RADIL: variants seen among roughly 807,000 people sequenced by gnomAD.
The protein encoded by RADIL is Rap associating with DIL domain.
RADIL carries 99 observed loss-of-function variants against 97.6 expected under a neutral mutation model. The observed-to-expected ratio is 1.01, with a 90% confidence interval of 0.86 to 1.20. RADIL has a LOEUF of 1.20. RADIL is among the 50% of genes most tolerant of loss of function. RADIL has a pLI of 0.00. For missense variants in RADIL, 1,765 were observed against 1,498.9 expected, an observed-to-expected ratio of 1.18 and a Z score of -2.93; for synonymous variants, 803 against 691.8, an observed-to-expected ratio of 1.16 and a Z score of -2.52.
At chr7:4,841,625 A>G (rs1783441786) in intron 2 of RADIL, among the ~76,000 whole-genome samples, 1 of 152,232 alleles carries the variant, frequency 6.6e-6, no homozygotes, top group South Asian at 2.1e-4. Context: ...AACCCAGCCC[A>G]GGAATAAGGC....
intron 9 of RADIL, chr7:4,809,405 T>C: frequency 1.0e-6 from 1 of 985,440 alleles, no homozygotes; most frequent in Non-Finnish European, 1.2e-6. Context: ...TGAGTGTCGC[T>C]GCTGCCTCCT....
At position 4,822,231 on chromosome 7, in the gene RADIL, G is replaced by A. The variant is rs1005549575; in HGVS notation, c.1615+163C>T. 3.3e-5 allele frequency among the ~76,000 whole-genome samples: 5 copies of A among 152,194 alleles called. No individual in the cohort carries two copies. Among genetic ancestry groups the A allele is most frequent in the Non-Finnish European group, 7.3e-5 (5 of 68,030 alleles). ...GCCACCAGCACCAGCCTCACAGGCCGTCCCCGAGCAACTGACACATGGCAG... is the reference window on the plus strand; with the variant it reads ...GCCACCAGCACCAGCCTCACAGGCCATCCCCGAGCAACTGACACATGGCAG... On this transcript the variant is annotated intron_variant, in intron 6 of 14. Transcript: ENST00000399583. The surrounding 1 kb of genome is among the most constrained non-coding windows in gnomAD (Gnocchi z 5.3).
Position 4,822,684 on chromosome 7 carries a change from C to G in RADIL, c.1455-130G>C. 9.2e-7 allele frequency: 1 copy of G among 1,087,490 alleles called. No individual in the cohort carries two copies. Among genetic ancestry groups the G allele is most frequent in the African/African-American group, 1.6e-5 (1 of 63,120 alleles). The allele number at this position is 1,087,490 out of a possible 1,614,324, so 67.4% of individuals were successfully genotyped here. A position where few individuals can be genotyped will look rare whatever the true frequency, so the allele number is the denominator to read the frequency against. On this transcript the variant is annotated intron_variant, in intron 5 of 14. Coordinates refer to ENST00000399583, the MANE Select transcript of RADIL (RefSeq NM_018059.5). This position sits in a 1 kb window ranked among gnomAD's most constrained non-coding sequence, Gnocchi z 5.3. ...AACAACTGCAACCATCAACCTGACA[C>G]TGCTGGGCGGGGACGTTTAACAATA... is the stretch of plus-strand genomic sequence containing the variant.
At chr7:4,825,575 AAGAG>A (rs551496650) in intron 5 of RADIL, among the ~76,000 whole-genome samples, 1 of 152,120 alleles carries the variant, frequency 6.6e-6, no homozygotes, top group Non-Finnish European at 1.5e-5. Flanking sequence ...GAAAAAAGGA[AAGAG>A]AGAGAGAAAG....
rs1275940985 is a variant in RADIL at position 4,883,572 on chromosome 7, A to T, written c.-65+24T>A. 6.6e-6 allele frequency: 1 copy of T among 151,648 alleles called. No individual in the cohort carries two copies. The highest frequency in any genetic ancestry group is 1.5e-5 in the Non-Finnish European group (1 of 68,108). The allele number at this position is 151,648 out of a possible 1,614,324, so 9.4% of individuals were successfully genotyped here. On this transcript the variant is annotated intron_variant, in intron 1 of 14. Transcript: ENST00000399583. This position sits in a 1 kb window ranked among gnomAD's most constrained non-coding sequence, Gnocchi z 7.1. ...ACGAGCCACCCCCGGTTCCGCAGTC[A>T]CTCCTCGCGCACCCCACACTCACCT...
At position 4,800,179 on chromosome 7, in the gene RADIL, C is replaced by T. The variant is rs78680621; in HGVS notation, c.2974G>A (p.Asp992Asn). ...GPSGLGMGLI[D>N]GMHTHLGAPG... ...GGTCCTGGGCCACTCACCATCCCGT[C>T]GATCAGGCCCATCCCCAGCCCGGAG... The change falls in exon 13 of 15, where the codon GAC becomes AAC. Residue 992 changes from aspartate to asparagine, a missense_variant. Physicochemically the swap from Asp to Asn is conservative, Grantham distance 23. Coordinates refer to ENST00000399583, the MANE Select transcript of RADIL (RefSeq NM_018059.5). The T allele has an allele frequency of 4.4e-6, 7 of 1,608,266 alleles. No individual in the cohort carries two copies. The highest frequency in any genetic ancestry group is 2.2e-5 in the East Asian group (1 of 44,734).
At chr7:4,875,581 C>T (rs1488518549) in intron 2 of RADIL, among the ~76,000 whole-genome samples, 1 of 152,184 alleles carries the variant, frequency 6.6e-6, no homozygotes, top group Non-Finnish European at 1.5e-5. Context: ...TCCCCAGCCA[C>T]ACAGCAGCAA....
At chr7:4,810,640 C>G (rs117667485) in intron 9 of RADIL, among the ~76,000 whole-genome samples, 1 of 152,240 alleles carries the variant, frequency 6.6e-6, no homozygotes, top group African/African-American at 2.4e-5. Context: ...GAGGGACCCA[C>G]GGAAGCATCT....
chr7:4,834,871 G>C lies in RADIL; in HGVS notation c.1152C>G (p.Ala384=). ...AVPQSCRLCG[A]ALGARGAASP... ...AGGCGGCTCCCCGGGCCCCGAGCGC[G>C]GCCCCGCACAGCCGGCAGCTCTGCG... is the stretch of plus-strand genomic sequence containing the variant. Residue 384 remains alanine, a synonymous_variant, in exon 4 of 15, where the codon GCC becomes GCG. Transcript: ENST00000399583. This position sits in a 1 kb window ranked among gnomAD's most constrained non-coding sequence, Gnocchi z 6.0. 7.4e-7 allele frequency: 1 copy of C among 1,347,942 alleles called. No individual in the cohort carries two copies. The highest frequency in any genetic ancestry group is 9.5e-7 in the Non-Finnish European group (1 of 1,050,390). The allele number at this position is 1,347,942 out of a possible 1,614,324, so 83.5% of individuals were successfully genotyped here. A position where few individuals can be genotyped will look rare whatever the true frequency, so the allele number is the denominator to read the frequency against.
In RADIL at chr7:4,869,265, T is replaced by C. The variant is rs140986788; in HGVS notation, c.535+8340A>G. Among the ~76,000 whole-genome samples, 967 of 152,318 alleles carry C rather than the reference T, an allele frequency of 6.3e-3. 10 individuals are homozygous for C. The highest frequency in any genetic ancestry group is 0.022 in the African/African-American group (921 of 41,590). ...CTCCCACCTTAGCCCCCTGAGTAGC[T>C]GGGACTACAGGCCTGTGGCACCACA... is the stretch of plus-strand genomic sequence containing the variant. On this transcript the variant is annotated intron_variant, in intron 2 of 14. Coordinates refer to ENST00000399583, the MANE Select transcript of RADIL (RefSeq NM_018059.5).
intron 9 of RADIL, chr7:4,811,392 G>A (rs961778512): frequency 6.6e-6 from 1 of 150,882 alleles, no homozygotes; most frequent in African/African-American, 2.4e-5. Context: ...GAGTTTTGCT[G>A]TCAAGGTATT....
chr7:4,827,269 G>A (rs1312848168), intron 5 of RADIL, among the ~76,000 whole-genome samples: 5 of 151,934 alleles, frequency 3.3e-5, no homozygotes, highest in Admixed American at 6.6e-5. Flanking sequence ...GGAGGCTGAG[G>A]CAGGAGAATC....
intron 2 of RADIL, among the ~76,000 whole-genome samples, chr7:4,850,688 A>G (rs1163335501): frequency 6.6e-6 from 1 of 152,164 alleles, no homozygotes; most frequent in Non-Finnish European, 1.5e-5. Flanking sequence ...CAGAGACTTC[A>G]GTCCTAAAAC....
chr7:4,839,288 G>C (rs1316452239), intron 2 of RADIL, among the ~76,000 whole-genome samples: 1 of 152,166 alleles, frequency 6.6e-6, no homozygotes, highest in Non-Finnish European at 1.5e-5. Context: ...GTAATTGTAT[G>C]GTTTTGAGCA....
At chr7:4,861,854 AC>A in intron 2 of RADIL, 1 of 1,337,452 alleles carries the variant, frequency 7.5e-7, no homozygotes, top group Non-Finnish European at 9.8e-7. Flanking sequence ...CACCACCGCG[AC>A]CTTCGCGGCC....
In RADIL at chr7:4,822,527, G is replaced by A. The variant is rs758378494; in HGVS notation, c.1482C>T (p.Cys494=). Residue 494 remains cysteine, a synonymous_variant, in exon 6 of 15, where the codon TGC becomes TGT. Coordinates refer to ENST00000399583, the MANE Select transcript of RADIL (RefSeq NM_018059.5). The surrounding 1 kb of genome is among the most constrained non-coding windows in gnomAD (Gnocchi z 5.3). ...QLQEPISLAS[C]AMADLVPDLQ... Reference sequence around the variant, plus strand: ...AGTCTGGAACCAGATCAGCCATGGCGCAGCTGGCCAGCGAGATGGGCTCCT... The same window carrying A: ...AGTCTGGAACCAGATCAGCCATGGCACAGCTGGCCAGCGAGATGGGCTCCT... 1.2e-5 allele frequency: 20 copies of A among 1,613,018 alleles called. No individual in the cohort carries two copies. Among genetic ancestry groups the A allele is most frequent in the Middle Eastern group, 1.6e-4 (1 of 6,062 alleles).
chr7:4,827,598 T>C (rs1183187357), intron 5 of RADIL, among the ~76,000 whole-genome samples: 5 of 151,914 alleles, frequency 3.3e-5, no homozygotes, highest in South Asian at 2.1e-4. Context: ...GAGGCGGAGG[T>C]TGCAGTGAGC....
intron 9 of RADIL, among the ~76,000 whole-genome samples, chr7:4,808,211 G>A (rs1583267969): frequency 7.4e-6 from 1 of 135,514 alleles, no homozygotes; most frequent in East Asian, 2.3e-4. Context: ...TCCCTACCCT[G>A]GCATCCCTCC....
intron 12 of RADIL, among the ~76,000 whole-genome samples, chr7:4,801,141 G>A (rs1583254791): frequency 6.6e-6 from 1 of 151,076 alleles, no homozygotes; most frequent in East Asian, 1.9e-4. Flanking sequence ...CCCATGCAGA[G>A]ATGCACACAC....
Sources: gnomAD v4.1 joint callset for allele counts (sites outside exome capture counted in the v4.1 genomes callset) on GRCh38, gnomAD v4.1.1 for gene constraint, Gnocchi (gnomAD v3.1) non-coding constraint, MANE v1.5 for transcripts, NCBI Gene and HGNC (gene_info 2026-07-23, HGNC 2026-07-21) for gene names.